HYCC1: variants seen among roughly 807,000 people sequenced by gnomAD.
HYCC1 encodes hyccin PI4KA lipid kinase complex subunit 1.
the HYCC1 span, among the ~76,000 whole-genome samples, chr7:22,960,983 G>A: frequency 7.9e-5 from 12 of 152,164 alleles, 1 homozygote; most frequent in South Asian, 2.1e-4. Context: ...CCCAGGAGGC[G>A]GAGGTTGCGG....
chr7:23,000,463 C>T, the HYCC1 span, among the ~76,000 whole-genome samples: 2 of 151,984 alleles, frequency 1.3e-5, no homozygotes, highest in Non-Finnish European at 2.9e-5. Flanking sequence ...TACACATATA[C>T]ACATACATGT....
chr7:22,954,612 T>A, the HYCC1 span, among the ~76,000 whole-genome samples: 2 of 151,522 alleles, frequency 1.3e-5, no homozygotes, highest in African/African-American at 4.8e-5. Context: ...GAAACTGTAC[T>A]TTCTTTTTAT....
At chr7:22,909,130 T>C in the HYCC1 span, among the ~76,000 whole-genome samples, 4 of 152,268 alleles carry the variant, frequency 2.6e-5, 1 homozygote, top group South Asian at 8.3e-4. Flanking sequence ...CCAAATCTCA[T>C]GTCGAAATGT....
chr7:22,976,301 C>A, the HYCC1 span: 1 of 1,607,218 alleles, frequency 6.2e-7, no homozygotes, highest in Non-Finnish European at 8.5e-7. Flanking sequence ...GTCAACACTT[C>A]AAACCTAAAG....
the HYCC1 span, among the ~76,000 whole-genome samples, chr7:22,928,536 C>T: frequency 6.6e-6 from 1 of 152,130 alleles, no homozygotes; most frequent in Non-Finnish European, 1.5e-5. Context: ...TTCTTATACA[C>T]CAATAACAGA....
At chr7:22,988,649 T>G in the HYCC1 span, among the ~76,000 whole-genome samples, 1 of 152,224 alleles carries the variant, frequency 6.6e-6, no homozygotes, top group Non-Finnish European at 1.5e-5. Context: ...ATGTATCATA[T>G]GCATACTTAG....
the HYCC1 span, among the ~76,000 whole-genome samples, chr7:22,905,386 ATTTTTT>A: frequency 1.6e-4 from 7 of 44,466 alleles, no homozygotes; most frequent in African/African-American, 5.5e-4. Flanking sequence ...CTAATTTTGT[ATTTTTT>A]TTTTTTTTTT....
chr7:22,968,985 C>CAA, the HYCC1 span, among the ~76,000 whole-genome samples: 2 of 149,238 alleles, frequency 1.3e-5, no homozygotes, highest in African/African-American at 4.9e-5. Context: ...GACTCCATCT[C>CAA]AAAAAAAACA....
chr7:22,924,301 G>A, the HYCC1 span, among the ~76,000 whole-genome samples: 5 of 152,264 alleles, frequency 3.3e-5, no homozygotes, highest in South Asian at 6.2e-4. Flanking sequence ...TGAGGTAACG[G>A]GTTCATCTCA....
the HYCC1 span, among the ~76,000 whole-genome samples, chr7:22,964,720 AT>A: frequency 2.0e-5 from 3 of 152,220 alleles, no homozygotes; most frequent in Non-Finnish European, 4.4e-5. Flanking sequence ...AGGAAAAAAC[AT>A]ATAAAGCTGA....
At chr7:22,980,524 G>T in the HYCC1 span, among the ~76,000 whole-genome samples, 1 of 152,108 alleles carries the variant, frequency 6.6e-6, no homozygotes, top group Non-Finnish European at 1.5e-5. Flanking sequence ...GAGATTTCTA[G>T]TGGTAACAGG....
At chr7:22,956,372 A>T in the HYCC1 span, among the ~76,000 whole-genome samples, 1 of 152,030 alleles carries the variant, frequency 6.6e-6, no homozygotes, top group South Asian at 2.1e-4. Flanking sequence ...AAACATATTT[A>T]CTGACATAAA....
the HYCC1 span, chr7:22,976,263 G>C: frequency 6.2e-7 from 1 of 1,613,282 alleles, no homozygotes; most frequent in Non-Finnish European, 8.5e-7. Flanking sequence ...TGTAAGTTAA[G>C]GCAGCATTGT....
chr7:23,013,765 C>G, the HYCC1 span, among the ~76,000 whole-genome samples: 1 of 151,866 alleles, frequency 6.6e-6, no homozygotes, highest in African/African-American at 2.4e-5. Flanking sequence ...CCCATGGCGC[C>G]TCGCGCGGGA....
the HYCC1 span, among the ~76,000 whole-genome samples, chr7:22,966,627 A>G: frequency 6.6e-6 from 1 of 152,190 alleles, no homozygotes; most frequent in East Asian, 1.9e-4. Context: ...ATACTAGCCA[A>G]TAGATTGTAA....
the HYCC1 span, among the ~76,000 whole-genome samples, chr7:22,929,675 T>A: frequency 6.6e-6 from 1 of 152,140 alleles, no homozygotes; most frequent in Non-Finnish European, 1.5e-5. Flanking sequence ...ATGGTGATCA[T>A]TAAAAAGTCA....
At chr7:22,976,308 A>C in the HYCC1 span, 1 of 1,595,570 alleles carries the variant, frequency 6.3e-7, no homozygotes, top group Non-Finnish European at 8.6e-7. Context: ...CTTCAAACCT[A>C]AAGACAAACA....
At chr7:22,999,771 G>A in the HYCC1 span, among the ~76,000 whole-genome samples, 1 of 152,058 alleles carries the variant, frequency 6.6e-6, no homozygotes, top group African/African-American at 2.4e-5. Flanking sequence ...CTATTAGTTT[G>A]CACCATTAGC....
the HYCC1 span, among the ~76,000 whole-genome samples, chr7:22,952,214 T>C: frequency 6.6e-6 from 1 of 151,892 alleles, no homozygotes; most frequent in Non-Finnish European, 1.5e-5. Flanking sequence ...ATAATTTAAA[T>C]AGCAGAAAAT....
Sources: allele counts gnomAD v4.1 joint callset (sites outside exome capture counted in the v4.1 genomes callset), GRCh38; gene constraint gnomAD v4.1.1; transcripts MANE v1.5; gene names NCBI Gene and HGNC (gene_info 2026-07-23, HGNC 2026-07-21).